Variants in TLN2 observed in about 807,000 individuals in gnomAD.
TLN2 encodes the protein talin 2.
TLN2 carries 118 observed loss-of-function variants against 294.7 expected under a neutral mutation model. That is an observed-to-expected ratio of 0.40 (90% confidence interval 0.34 to 0.47). The LOEUF (loss-of-function observed/expected upper bound fraction) is 0.47. Among genes scored for constraint, TLN2 ranks in the 20% least tolerant of loss-of-function variants. TLN2 has a pLI of 0.84. For synonymous variants in TLN2, 1,431 were observed against 1,304.5 expected (o/e 1.10, Z -2.09); for missense variants, 3,083 against 3,282.2 (o/e 0.94, Z 1.48).
At chr15:62,640,991 G>A (rs142770759) in intron 3 of TLN2, among the ~76,000 whole-genome samples, 4,088 of 151,832 alleles carry the variant, frequency 0.027, 62 homozygotes, top group Non-Finnish European at 0.042. Flanking sequence ...TGGTAGAGAT[G>A]GGATTTCACC....
intron 22 of TLN2, 116 bp from the exon 23 acceptor site, chr15:62,716,215 G>A (rs2059763273): frequency 1.7e-6 from 2 of 1,194,258 alleles, no homozygotes; most frequent in South Asian, 5.5e-5. Context: ...TATTGCTTGT[G>A]GCATTTGACT....
intron 1 of TLN2, among the ~76,000 whole-genome samples, chr15:62,582,195 T>TACACAC (rs67748452): frequency 0.023 from 1,504 of 66,438 alleles, 76 homozygotes; most frequent in East Asian, 0.048. Context: ...TGTGTATGCA[T>TACACAC]ACACACACAC....
rs989292643 is a variant in TLN2 at position 62,659,986 on chromosome 15, GCT to G, written c.788+2093_788+2094del. 2.8e-4 allele frequency among the ~76,000 whole-genome samples: 42 copies of G among 152,254 alleles called. No individual in the cohort carries two copies. The Middle Eastern group carries it at 0.017, about 62-fold the overall frequency. On this transcript the variant is annotated intron_variant, in intron 9 of 58. Coordinates refer to ENST00000636159, the MANE Select transcript of TLN2 (RefSeq NM_015059.3). The stretch of plus-strand genomic sequence containing the variant: ...TGGGCTGTCCCTGGTGACTGGCTGG[GCT>G]CTCTTTTGCAGCCTTTATATCTTTC...
At chr15:62,786,258 C>A (rs1049488741) in intron 45 of TLN2, among the ~76,000 whole-genome samples, 1 of 152,104 alleles carries the variant, frequency 6.6e-6, no homozygotes, top group Admixed American at 6.5e-5. Flanking sequence ...TATTTATATC[C>A]AGGGGAAATA....
chr15:62,577,376 G>A (rs1039804394), intron 1 of TLN2, among the ~76,000 whole-genome samples: 14 of 152,132 alleles, frequency 9.2e-5, no homozygotes, highest in African/African-American at 2.2e-4. Flanking sequence ...CCTGGGAGGC[G>A]GAGGTTGTGG....
In TLN2 at chr15:62,792,720, A is replaced by G. The variant is rs201901108; in HGVS notation, c.5816A>G (p.Gln1939Arg). 8 of 1,614,090 alleles carry G rather than the reference A, an allele frequency of 5.0e-6. No individual in the cohort carries two copies. The African/African-American group carries it at 5.3e-5, about 11-fold the overall frequency. The change falls in exon 46 of 59, where the codon CAG becomes CGG. Residue 1939 changes from glutamine to arginine, a missense_variant. Gln to Arg is a conservative substitution (Grantham distance 43, BLOSUM62 1). Transcript: ENST00000636159. ...CTGGTGCAGAAGGCAGGGGCCCTCCAGGTCTGCCCCACAGACAGCTACACC... is the reference window on the plus strand; with the variant it reads ...CTGGTGCAGAAGGCAGGGGCCCTCCGGGTCTGCCCCACAGACAGCTACACC... ...IFLVQKAGAL[Q>R]VCPTDSYTKR...
At chr15:62,560,294 G>A (rs2042850300) in intron 1 of TLN2, among the ~76,000 whole-genome samples, 1 of 152,186 alleles carries the variant, frequency 6.6e-6, no homozygotes. Flanking sequence ...AGGCTGGAGT[G>A]CGGTGGCGGT....
chr15:62,766,744 A>T (rs374700800), intron 41 of TLN2, among the ~76,000 whole-genome samples: 22 of 152,218 alleles, frequency 1.4e-4, no homozygotes, highest in African/African-American at 5.3e-4. Context: ...ACTGAAGCAG[A>T]CACTCCTAGC....
At chr15:62,501,363 A>G (rs1207329192) in intron 1 of TLN2, among the ~76,000 whole-genome samples, 1 of 152,146 alleles carries the variant, frequency 6.6e-6, no homozygotes, top group Admixed American at 6.5e-5. Context: ...GGCCAAGGGC[A>G]GGGCTGGGGT....
intron 1 of TLN2, among the ~76,000 whole-genome samples, chr15:62,430,079 G>GTA (rs1001934869): frequency 3.3e-5 from 5 of 152,174 alleles, no homozygotes; most frequent in African/African-American, 1.2e-4. Context: ...CCCCTGGAAT[G>GTA]TATATATAAG....
chr15:62,606,108 G>T (rs1386138548), intron 2 of TLN2, among the ~76,000 whole-genome samples: 1 of 152,144 alleles, frequency 6.6e-6, no homozygotes, highest in African/African-American at 2.4e-5. Context: ...TTGAGACGGA[G>T]TCTCACTCTG....
chr15:62,750,658 C>T (rs1032261779), intron 34 of TLN2, among the ~76,000 whole-genome samples, 167 bp downstream of exon 34: 2 of 152,168 alleles, frequency 1.3e-5, no homozygotes, highest in African/African-American at 2.4e-5. Flanking sequence ...TCAAACTTGA[C>T]GGTGCATCAG....
chr15:62,729,912 CTATTCTTTTAT>C (rs1327836954), intron 28 of TLN2, among the ~76,000 whole-genome samples: 1 of 151,770 alleles, frequency 6.6e-6, no homozygotes, highest in Non-Finnish European at 1.5e-5. Flanking sequence ...CATTCATTTA[CTATTCTTTTAT>C]GATTTCTTTA....
intron 1 of TLN2, among the ~76,000 whole-genome samples, chr15:62,393,268 T>C (rs1566937903): frequency 1.3e-5 from 2 of 152,328 alleles, no homozygotes; most frequent in African/African-American, 4.8e-5. Flanking sequence ...GGCATTGATG[T>C]GGAGCTTCTA....
intron 1 of TLN2, among the ~76,000 whole-genome samples, chr15:62,494,221 C>T (rs1239052155): frequency 6.6e-6 from 1 of 152,024 alleles, no homozygotes; most frequent in Non-Finnish European, 1.5e-5. Flanking sequence ...CCAGCCTTCA[C>T]TCAAGGATGA....
chr15:62,778,252 G>A (rs1239546196), intron 43 of TLN2, among the ~76,000 whole-genome samples: 1 of 152,194 alleles, frequency 6.6e-6, no homozygotes, highest in South Asian at 2.1e-4. Flanking sequence ...TCATCCATCA[G>A]TTTCTGCTGT....
At chr15:62,761,067 G>C (rs1238267136) in intron 37 of TLN2, among the ~76,000 whole-genome samples, 2 of 152,250 alleles carry the variant, frequency 1.3e-5, no homozygotes, top group African/African-American at 2.4e-5. Flanking sequence ...GGCCCGTTTT[G>C]TTAAATATGA....
At chr15:62,677,953 G>A (rs1379696528) in intron 11 of TLN2, among the ~76,000 whole-genome samples, 1 of 151,528 alleles carries the variant, frequency 6.6e-6, no homozygotes, top group East Asian at 1.9e-4. Flanking sequence ...GCACCACCAT[G>A]CCCAGCTAAT....
chr15:62,748,770 A>G (rs2061755924), intron 33 of TLN2, among the ~76,000 whole-genome samples: 1 of 152,218 alleles, frequency 6.6e-6, no homozygotes, highest in Admixed American at 6.5e-5. Flanking sequence ...AAGATCAGCA[A>G]TTTTTACCTA....
Sources: gnomAD v4.1 joint callset for allele counts (sites outside exome capture counted in the v4.1 genomes callset) on GRCh38, gnomAD v4.1.1 for gene constraint, MANE v1.5 for transcripts, NCBI Gene and HGNC (gene_info 2026-07-23, HGNC 2026-07-21) for gene names.